Variants in ATG7 observed in about 807,000 individuals in gnomAD.
ATG7 encodes autophagy related 7.
A neutral mutation model predicts 82.4 loss-of-function variants in ATG7; 70 were observed. The ratio of observed to expected loss-of-function variants is 0.85; its 90% CI spans 0.70 to 1.04. The LOEUF (loss-of-function observed/expected upper bound fraction) is 1.04. ATG7 is among the 50% of genes least tolerant of loss of function. ATG7 has a pLI of 0.00. For synonymous variants in ATG7, 287 were observed against 313.0 expected (o/e 0.92, Z 0.88); for missense variants, 792 against 864.3 (o/e 0.92, Z 1.05).
At chr3:11,416,429 T>C (rs1050652393) in intron 19 of ATG7, among the ~76,000 whole-genome samples, 2 of 152,070 alleles carry the variant, frequency 1.3e-5, no homozygotes, top group South Asian at 4.2e-4. Flanking sequence ...CTTATTTGAG[T>C]TTTGGTGGAT....
chr3:11,277,783 G>C (rs1559309762), intron 1 of ATG7, among the ~76,000 whole-genome samples: 1 of 151,584 alleles, frequency 6.6e-6, no homozygotes, highest in African/African-American at 2.4e-5. Flanking sequence ...TTACCAGGGT[G>C]GGGTTTCCCA....
chr3:11,513,301 T>C (rs531873605), intron 20 of ATG7, among the ~76,000 whole-genome samples: 5 of 152,294 alleles, frequency 3.3e-5, no homozygotes, highest in Admixed American at 1.3e-4. Context: ...CAGGGGGCGG[T>C]GCTCGTTGGG....
chr3:11,290,537 C>T (rs1475375436), intron 3 of ATG7: 3 of 372,680 alleles, frequency 8.0e-6, no homozygotes, highest in African/African-American at 4.4e-5. Context: ...CCTTCCTCTT[C>T]TCCTCCAGGT....
At chr3:11,275,916 T>C (rs187232185) in intron 1 of ATG7, among the ~76,000 whole-genome samples, 16 of 152,232 alleles carry the variant, frequency 1.1e-4, no homozygotes, top group African/African-American at 3.9e-4. Context: ...TCTCTTTGAG[T>C]GTGTGGTACA....
At chr3:11,403,507 C>G (rs916800168) in intron 19 of ATG7, among the ~76,000 whole-genome samples, 3 of 152,068 alleles carry the variant, frequency 2.0e-5, no homozygotes, top group African/African-American at 7.2e-5. Context: ...GAAAAGACAT[C>G]ATTTAAGAAA....
intron 18 of ATG7, among the ~76,000 whole-genome samples, chr3:11,375,002 G>C (rs958931370): frequency 9.0e-5 from 13 of 145,194 alleles, no homozygotes; most frequent in African/African-American, 3.4e-4. Flanking sequence ...CTGAGTCCAA[G>C]ACCAGCATGG....
chr3:11,571,034 G>A, the ATG7 span, among the ~76,000 whole-genome samples: 4 of 152,190 alleles, frequency 2.6e-5, no homozygotes, highest in African/African-American at 4.8e-5. Context: ...GGGTGAAGAC[G>A]ATGTTTGCCG....
At chr3:11,527,432 T>A (rs1202547828) in intron 20 of ATG7, among the ~76,000 whole-genome samples, 1 of 152,170 alleles carries the variant, frequency 6.6e-6, no homozygotes, top group Admixed American at 6.5e-5. Context: ...CTTGTCTTCC[T>A]GAGATAATGT....
At chr3:11,391,681 G>A (rs1009454847) in intron 19 of ATG7, among the ~76,000 whole-genome samples, 1 of 152,158 alleles carries the variant, frequency 6.6e-6, no homozygotes, top group African/African-American at 2.4e-5. Flanking sequence ...GTGCAACATG[G>A]GCAGGGAGGA....
intron 19 of ATG7, among the ~76,000 whole-genome samples, chr3:11,382,493 A>G (rs966600861): frequency 6.6e-6 from 1 of 152,048 alleles, no homozygotes; most frequent in Non-Finnish European, 1.5e-5. Context: ...TGGTGGGGAG[A>G]GGTGGGTGGT....
chr3:11,344,140 A>C (rs188567373), intron 13 of ATG7, among the ~76,000 whole-genome samples: 1 of 152,116 alleles, frequency 6.6e-6, no homozygotes, highest in South Asian at 2.1e-4. Flanking sequence ...TGAATTTTGC[A>C]TATTTGTCTT....
intron 20 of ATG7, among the ~76,000 whole-genome samples, chr3:11,501,502 G>T (rs1171819104): frequency 6.6e-6 from 1 of 152,088 alleles, no homozygotes; most frequent in Non-Finnish European, 1.5e-5. Context: ...AACAGTTGAG[G>T]AAATTTAAGT....
chr3:11,305,882 CAT>C (rs1168077721), intron 5 of ATG7, among the ~76,000 whole-genome samples: 1 of 152,182 alleles, frequency 6.6e-6, no homozygotes, highest in African/African-American at 2.4e-5. Context: ...AATGAAAAGA[CAT>C]AGGTTCTTCT....
intron 20 of ATG7, chr3:11,510,083 C>T (rs1286966219): frequency 2.8e-6 from 1 of 351,572 alleles, no homozygotes; most frequent in South Asian, 2.1e-5. Flanking sequence ...GCCCGCCCAT[C>T]TTCTGCCCCT....
At chr3:11,530,662 A>C (rs1008696198) in intron 20 of ATG7, among the ~76,000 whole-genome samples, 1 of 151,990 alleles carries the variant, frequency 6.6e-6, no homozygotes, top group African/African-American at 2.4e-5. Context: ...TTCTCTCTTC[A>C]ATCCTTCTTA....
chr3:11,296,206 A>AT, intron 3 of ATG7, among the ~76,000 whole-genome samples: 1 of 152,208 alleles, frequency 6.6e-6, no homozygotes, highest in Admixed American at 6.5e-5. Context: ...CTCAGTATCC[A>AT]TGTCCAGTTT....
intron 20 of ATG7, among the ~76,000 whole-genome samples, chr3:11,514,883 C>A (rs1032651943): frequency 6.6e-6 from 1 of 150,808 alleles, no homozygotes; most frequent in African/African-American, 2.4e-5. Context: ...CTCTGTCACC[C>A]AGGCTGGAGT....
intron 20 of ATG7, among the ~76,000 whole-genome samples, chr3:11,463,748 G>A (rs114344228): frequency 0.011 from 1,724 of 152,296 alleles, 33 homozygotes; most frequent in African/African-American, 0.039. Flanking sequence ...ACTACTGGCA[G>A]CTCCAGAGCC....
chr3:11,467,481 A>G (rs1273168136), intron 20 of ATG7, among the ~76,000 whole-genome samples: 1 of 152,102 alleles, frequency 6.6e-6, no homozygotes, highest in Non-Finnish European at 1.5e-5. Flanking sequence ...GCTTCAAGCG[A>G]TTCTTCTGCC....
Sources: allele counts gnomAD v4.1 joint callset (sites outside exome capture counted in the v4.1 genomes callset), GRCh38; gene constraint gnomAD v4.1.1; transcripts MANE v1.5; gene names NCBI Gene and HGNC (gene_info 2026-07-23, HGNC 2026-07-21).